The following SPATA31D1 variants were observed in gnomAD, a reference collection of about 807,000 sequenced individuals.
The protein encoded by SPATA31D1 is spermatogenesis-associated protein 31D1.
Under a neutral mutation model 13.2 loss-of-function variants are expected in SPATA31D1, and 6 were observed. That is an observed-to-expected ratio of 0.46 (90% confidence interval 0.25 to 0.90). The LOEUF (loss-of-function observed/expected upper bound fraction) is 0.90, where lower values mean the gene tolerates loss of function less well. Among genes scored for constraint, SPATA31D1 ranks in the 40% least tolerant of loss-of-function variants. The pLI is 0.18. For missense variants in SPATA31D1, 2,445 were observed against 1,884.7 expected, an observed-to-expected ratio of 1.30 and a Z score of -5.50; for synonymous variants, 903 against 718.8, an observed-to-expected ratio of 1.26 and a Z score of -4.10.
rs765628606 is a variant in SPATA31D1 at position 81,992,256 on chromosome 9, C to G, written c.1786C>G (p.Leu596Val). ...SPFRALLPSP[L>V]FLIRICGVCF... is the part of the protein sequence containing the mutation. ...ATTCCGAGCCCTACTACCTAGTCCT[C>G]TATTCCTGATTAGGATCTGTGGAGT... The change falls in exon 4 of 4, where the codon CTA becomes GTA. Residue 596 changes from leucine to valine, a missense_variant. Coordinates refer to ENST00000344803, the MANE Select transcript of SPATA31D1 (RefSeq NM_001001670.3). The G allele has an allele frequency of 1.2e-6, 2 of 1,613,670 alleles. No individual in the cohort carries two copies. The highest frequency in any genetic ancestry group is 1.7e-6 in the Non-Finnish European group (2 of 1,179,738).
rs768532509 is a variant in SPATA31D1, at chr9:81,993,452, C to T, written c.2982C>T (p.Val994=). ...DRPHPVSSPV[V]QEGQGTLRRQ... Reference sequence around the variant, plus strand: ...CTCACCCTGTCTCCTCACCTGTCGTCCAAGAAGGGCAGGGGACCCTGAGAA... The same window carrying T: ...CTCACCCTGTCTCCTCACCTGTCGTTCAAGAAGGGCAGGGGACCCTGAGAA... The change falls in exon 4 of 4, where the codon GTC becomes GTT. Residue 994 remains valine, a synonymous_variant. Coordinates refer to ENST00000344803, the MANE Select transcript of SPATA31D1 (RefSeq NM_001001670.3). The T allele has an allele frequency of 3.0e-5, 48 of 1,613,854 alleles. No individual in the cohort carries two copies. In the Admixed American group the frequency reaches 8.0e-4, roughly 27 times the overall value.
chr9:81,992,007 G>A lies in SPATA31D1; in HGVS notation c.1537G>A (p.Glu513Lys), dbSNP rs746711950. ...LFWGLPSLHS[E>K]SLHPTVLVQR... is the part of the protein sequence containing the mutation. ...CTGGGGTCTCCCATCTTTGCACAGC[G>A]AGTCTCTGCATCCTACTGTTCTTGT... Residue 513 changes from glutamate to lysine, a missense_variant, in exon 4 of 4, where the codon GAG becomes AAG. Coordinates refer to ENST00000344803, the MANE Select transcript of SPATA31D1 (RefSeq NM_001001670.3). The A allele has an allele frequency of 1.9e-5, 30 of 1,613,712 alleles. 1 individual carries two copies. Among genetic ancestry groups the A allele is most frequent in the Middle Eastern group, 1.7e-4 (1 of 6,056 alleles).
chr9:81,994,778 G>A lies in SPATA31D1; in HGVS notation c.4308G>A (p.Val1436=). The change falls in exon 4 of 4, where the codon GTG becomes GTA. Residue 1436 remains valine, a synonymous_variant. Coordinates refer to ENST00000344803, the MANE Select transcript of SPATA31D1 (RefSeq NM_001001670.3). ...CCCAAGAGCCCCTTTCCTTCCCAGT[G>A]GGGCTTGGGAAAGCTCAGCACAACC... ...TCPQEPLSFP[V]GLGKAQHNPE... The A allele has an allele frequency of 6.2e-7, 1 of 1,613,958 alleles. No homozygotes were observed. Among genetic ancestry groups the A allele is most frequent in the Non-Finnish European group, 8.5e-7 (1 of 1,179,876 alleles).
rs536287199 is a variant in SPATA31D1 at position 81,992,477 on chromosome 9, G to C, written c.2007G>C (p.Pro669=). The stretch of plus-strand genomic sequence containing the variant: ...GAAAGTCCTTCAAGGTCCATGTTCC[G>C]ATCTCCATCATTCCTGGAGATTTTC... ...LVRKSFKVHV[P]ISIIPGDFPL... is the part of the protein sequence containing the mutation. The change falls in exon 4 of 4, where the codon CCG becomes CCC. Residue 669 remains proline, a synonymous_variant. Coordinates refer to ENST00000344803, the MANE Select transcript of SPATA31D1 (RefSeq NM_001001670.3). 1.8e-4 allele frequency: 285 copies of C among 1,612,076 alleles called. No homozygotes were observed. The highest frequency in any genetic ancestry group is 4.3e-4 in the Middle Eastern group (2 of 4,640).
At position 81,994,410 on chromosome 9, in the gene SPATA31D1, T is replaced by C; in HGVS notation, c.3940T>C (p.Ser1314Pro). The C allele has an allele frequency of 6.2e-7, 1 of 1,613,802 alleles. No homozygotes were observed. The highest frequency in any genetic ancestry group is 8.5e-7 in the Non-Finnish European group (1 of 1,179,810). ...TGGAGGGGATGCAGGGCTGGGGACA[T>C]CCCAACGCAGGAGAAAGAGCCTCCC... ...LDGGDAGLGTSQRRRKSLPVH... is the reference protein window; with the variant it reads ...LDGGDAGLGTPQRRRKSLPVH... Residue 1314 changes from serine to proline, a missense_variant, in exon 4 of 4, where the codon TCC (serine) becomes CCC (proline). By Grantham distance (74) the Ser-to-Pro change is moderately conservative. Transcript: ENST00000344803.
intron 3 of SPATA31D1, 22 bp from the exon 4 acceptor site, chr9:81,990,751 C>T (rs1356105075): frequency 3.2e-6 from 5 of 1,584,624 alleles, no homozygotes; most frequent in Non-Finnish European, 8.6e-7. Flanking sequence ...ATCTCCTTTC[C>T]TTGTTCTGGT....
chr9:81,994,410 T>A lies in SPATA31D1; in HGVS notation c.3940T>A (p.Ser1314Thr), dbSNP rs1359138278. The change falls in exon 4 of 4, where the codon TCC (serine) becomes ACC (threonine). Residue 1314 changes from serine (S) to threonine (T), a missense_variant. Ser to Thr is a moderately conservative substitution (Grantham distance 58). Transcript: ENST00000344803. ...LDGGDAGLGT[S>T]QRRRKSLPVH... is the part of the protein sequence containing the mutation. ...TGGAGGGGATGCAGGGCTGGGGACA[T>A]CCCAACGCAGGAGAAAGAGCCTCCC... is the stretch of plus-strand genomic sequence containing the variant. The A allele has an allele frequency of 6.2e-7, 1 of 1,613,684 alleles. No individual in the cohort carries two copies. The highest frequency in any genetic ancestry group is 1.3e-5 in the African/African-American group (1 of 74,928).
upstream of SPATA31D1, chr9:81,988,722 G>C (rs1824894861): frequency 6.3e-7 from 1 of 1,582,974 alleles, no homozygotes; most frequent in Admixed American, 1.7e-5. Context: ...GAAACCTTCT[G>C]TGACTCTTCC....
chr9:81,993,754 GCAT>G lies in SPATA31D1; in HGVS notation c.3286_3288del (p.Ile1096del), dbSNP rs762410742. On this transcript the variant is annotated inframe_deletion, in exon 4 of 4. Coordinates refer to ENST00000344803, the MANE Select transcript of SPATA31D1 (RefSeq NM_001001670.3). ...CAGACTTTTCTGCCCCCGCCACACAGCATCGTAGACGAAGTCAGTCAGAAACAG... is the reference window on the plus strand; with the variant it reads ...CAGACTTTTCTGCCCCCGCCACACAGCGTAGACGAAGTCAGTCAGAAACAG... 1.9e-6 allele frequency: 3 copies of G among 1,613,870 alleles called. No individual in the cohort carries two copies. The African/African-American group carries it at 4.0e-5, about 22-fold the overall frequency.
rs1824897482 is a variant in SPATA31D1 at position 81,988,849 on chromosome 9, T to G, written c.31T>G (p.Tyr11Asp). MENILCFLNS[Y>D]TETGLSPDSH... ...GAATATCCTCTGTTTTCTGAACAGC[T>G]ATACTGAGACAGGGCTGAGCCCTGA... The change falls in exon 1 of 4, where the codon TAT (tyrosine) becomes GAT (aspartate). Residue 11 changes from tyrosine (Y) to aspartate (D), a missense_variant. Physicochemically the swap from Tyr to Asp is radical, Grantham distance 160. Transcript: ENST00000344803. 6.2e-7 allele frequency: 1 copy of G among 1,612,774 alleles called. No individual in the cohort carries two copies. The highest frequency in any genetic ancestry group is 8.5e-7 in the Non-Finnish European group (1 of 1,179,742).
Position 81,991,424 on chromosome 9 carries a change from C to A in SPATA31D1, c.954C>A (p.Leu318=). ...DCTVTQSKSS[L]TILKTFPEML... ...CTGTGACTCAGTCTAAATCAAGTCT[C>A]ACCATCTTGAAGACTTTTCCGGAAA... Residue 318 remains leucine, a synonymous_variant, in exon 4 of 4, where the codon CTC becomes CTA. Transcript: ENST00000344803. 1 of 1,614,050 alleles carries A rather than the reference C, an allele frequency of 6.2e-7. No individual in the cohort carries two copies. The highest frequency in any genetic ancestry group is 8.5e-7 in the Non-Finnish European group (1 of 1,179,900).
chr9:81,990,007 C>T, intron 2 of SPATA31D1, 184 bp downstream of exon 2: 1 of 655,014 alleles, frequency 1.5e-6, no homozygotes, highest in South Asian at 2.1e-5. Context: ...CCCTGCTCTG[C>T]CCATTTACGG....
rs540950546 is a variant in SPATA31D1, at chr9:81,993,219, G to A, written c.2749G>A (p.Gly917Ser). ...AACTTTCCGTATGAGGATGCTGTGG[G>A]GCCTTCCCCTCAAGGTCCTTGAATC... The part of the protein sequence containing the change: ...IKTFRMRMLW[G>S]LPLKVLESIE... The change falls in exon 4 of 4, where the codon GGC becomes AGC. Residue 917 changes from glycine (G) to serine (S), a missense_variant. By Grantham distance (56) the Gly-to-Ser change is moderately conservative (BLOSUM62 0). Transcript: ENST00000344803. 5 of 1,613,922 alleles carry A rather than the reference G, an allele frequency of 3.1e-6. No homozygotes were observed. The East Asian group carries it at 1.1e-4, about 36-fold the overall frequency.
At position 81,993,609 on chromosome 9, in the gene SPATA31D1, G is replaced by A. The variant is rs531577197; in HGVS notation, c.3139G>A (p.Gly1047Ser). ...LDSTSSFPIL[G>S]HSYLVTSPVN... ...TTCAACAAGCTCATTCCCCATCCTC[G>A]GTCATTCTTACCTTGTCACTTCACC... Residue 1047 changes from glycine (G) to serine (S), a missense_variant, in exon 4 of 4, where the codon GGT becomes AGT. Coordinates refer to ENST00000344803, the MANE Select transcript of SPATA31D1 (RefSeq NM_001001670.3). 1.1e-5 allele frequency: 17 copies of A among 1,613,822 alleles called. No homozygotes were observed. The highest frequency in any genetic ancestry group is 3.3e-5 in the South Asian group (3 of 91,052).
In SPATA31D1 at chr9:81,995,007, A is replaced by C; in HGVS notation, c.4537A>C (p.Ser1513Arg). The C allele has an allele frequency of 6.2e-7, 1 of 1,613,984 alleles. No homozygotes were observed. The highest frequency in any genetic ancestry group is 8.5e-7 in the Non-Finnish European group (1 of 1,179,878). ...EAFKGKILCQSHPQSMPHRKP... is the reference protein window; with the variant it reads ...EAFKGKILCQRHPQSMPHRKP... The stretch of plus-strand genomic sequence containing the variant: ...ATTTAAGGGGAAGATACTGTGTCAA[A>C]GCCATCCCCAATCCATGCCCCACAG... The change falls in exon 4 of 4, where the codon AGC becomes CGC. Residue 1513 changes from serine (S) to arginine (R), a missense_variant. Ser to Arg is a moderately radical substitution (Grantham distance 110, BLOSUM62 -1). Coordinates refer to ENST00000344803, the MANE Select transcript of SPATA31D1 (RefSeq NM_001001670.3).
At position 81,990,938 on chromosome 9, in the gene SPATA31D1, G is replaced by T; in HGVS notation, c.468G>T (p.Val156=). Reference sequence around the variant, plus strand: ...CCCTGAAAGATGCTGCTCCCTCTGTGTCCCCTTTGGCTTCTTCGGCTTCTG... The same window carrying T: ...CCCTGAAAGATGCTGCTCCCTCTGTTTCCCCTTTGGCTTCTTCGGCTTCTG... ...WESLKDAAPS[V]SPLASSASAT... The change falls in exon 4 of 4, where the codon GTG becomes GTT. Residue 156 remains valine (V), a synonymous_variant. Transcript: ENST00000344803. 6.2e-7 allele frequency: 1 copy of T among 1,613,882 alleles called. No homozygotes were observed.
rs1324492904 is a variant in SPATA31D1, at chr9:81,992,584, G to A, written c.2114G>A (p.Arg705Lys). The A allele has an allele frequency of 6.2e-7, 1 of 1,612,328 alleles. No individual in the cohort carries two copies. The highest frequency in any genetic ancestry group is 1.7e-5 in the Admixed American group (1 of 60,014). Residue 705 changes from arginine (R) to lysine (K), a missense_variant, in exon 4 of 4, where the codon AGA (arginine) becomes AAA (lysine). Physicochemically the swap from Arg to Lys is conservative, Grantham distance 26. Coordinates refer to ENST00000344803, the MANE Select transcript of SPATA31D1 (RefSeq NM_001001670.3). ...CAGCGCAGATGGGGCCTGCCCCGCA[G>A]AATCCATGAGTCTCTGTCATTGCTA... ...LIQRRWGLPR[R>K]IHESLSLLRP...
rs753399402 is a variant in SPATA31D1 at position 81,993,289 on chromosome 9, C to A, written c.2819C>A (p.Ser940Tyr). The A allele has an allele frequency of 1.2e-6, 2 of 1,614,010 alleles. No homozygotes were observed. The highest frequency in any genetic ancestry group is 2.2e-5 in the South Asian group (2 of 91,076). Residue 940 changes from serine (S) to tyrosine (Y), a missense_variant, in exon 4 of 4, where the codon TCC becomes TAC. Transcript: ENST00000344803. ...KSKADLSTSF[S>Y]HFDLPSSATF... ...AAAGCGGACCTTTCCACTTCCTTTT[C>A]CCATTTCGACCTTCCCTCCTCAGCC...
Position 81,994,541 on chromosome 9 carries a change from T to C in SPATA31D1, c.4071T>C (p.Ser1357=). The change falls in exon 4 of 4, where the codon TCT becomes TCC. Residue 1357 remains serine, a synonymous_variant. Transcript: ENST00000344803. The stretch of plus-strand genomic sequence containing the variant: ...TTTTCAGAAAATGGATGAAGACCTC[T>C]TTGCAGTGGTTTAATAAACCCAGCA... ...ENLFRKWMKT[S]LQWFNKPSIS... The C allele has an allele frequency of 6.2e-7, 1 of 1,613,356 alleles. No individual in the cohort carries two copies. Among genetic ancestry groups the C allele is most frequent in the South Asian group, 1.1e-5 (1 of 90,900 alleles).
Sources: allele counts gnomAD v4.1 joint callset, GRCh38; gene constraint gnomAD v4.1.1; transcripts MANE v1.5; gene names NCBI Gene and HGNC (gene_info 2026-07-23, HGNC 2026-07-21).